TBC1D9: variants seen among roughly 807,000 people sequenced by gnomAD.
The protein encoded by TBC1D9 is TBC1 domain family member 9A.
Under a neutral mutation model 132.0 loss-of-function variants are expected in TBC1D9, and 63 were observed. That is an observed-to-expected ratio of 0.48 (90% CI 0.39 to 0.59). TBC1D9 has a LOEUF of 0.59. Ranked by LOEUF, TBC1D9 falls within the 20% of genes least tolerant of loss-of-function variation. The pLI is 0.00. For missense variants in TBC1D9, 1,261 were observed against 1,592.7 expected, an observed-to-expected ratio of 0.79 and a Z score of 3.54; for synonymous variants, 610 against 609.9, an observed-to-expected ratio of 1.00 and a Z score of 0.00.
At chr4:140,643,726 G>C in intron 13 of TBC1D9, 1 of 1,218,046 alleles carries the variant, frequency 8.2e-7, no homozygotes, top group Non-Finnish European at 1.1e-6. Flanking sequence ...GGTTCTGTCC[G>C]GCCCGGGGAA....
At chr4:140,657,332 G>A (rs1373123250) in intron 12 of TBC1D9, 106 bp from the exon 13 acceptor site, 1 of 1,432,362 alleles carries the variant, frequency 7.0e-7, no homozygotes, top group African/African-American at 1.4e-5. Flanking sequence ...CAAAGGACTA[G>A]AGTTTCTTTA....
Position 140,624,154 on chromosome 4 carries a change from T to C in TBC1D9, c.3040A>G (p.Lys1014Glu). 1 of 1,611,542 alleles carries C rather than the reference T, an allele frequency of 6.2e-7. No individual in the cohort carries two copies. The highest frequency in any genetic ancestry group is 8.5e-7 in the Non-Finnish European group (1 of 1,178,562). ...GGTAAATCCTTTGCATTCTTTGACTTAGATTTATTTTCTGGAGTCCACAGT... is the reference window on the plus strand; with the variant it reads ...GGTAAATCCTTTGCATTCTTTGACTCAGATTTATTTTCTGGAGTCCACAGT... ...LRLWTPENKS[K>E]SKNAKDLPKL... is the part of the protein sequence containing the mutation. The change falls in exon 20 of 21, where the codon AAG becomes GAG. Residue 1014 changes from lysine (K) to glutamate (E), a missense_variant. Transcript: ENST00000442267.
intron 13 of TBC1D9, chr4:140,643,227 T>C: frequency 7.4e-7 from 1 of 1,344,194 alleles, no homozygotes; most frequent in Non-Finnish European, 1.0e-6. Context: ...ACCTCCCACC[T>C]TCTTGCTCCT....
chr4:140,644,752 C>A, intron 13 of TBC1D9: 1 of 402,702 alleles, frequency 2.5e-6, no homozygotes, highest in Non-Finnish European at 4.9e-6. Flanking sequence ...GTGCAGGGGG[C>A]TGCAGCCTGG....
intron 2 of TBC1D9, among the ~76,000 whole-genome samples, chr4:140,690,099 C>T (rs1002895472): frequency 1.4e-4 from 22 of 152,124 alleles, no homozygotes; most frequent in African/African-American, 5.3e-4. Flanking sequence ...ACCACACACA[C>T]ACTCCCATAG....
At chr4:140,687,350 A>G (rs1185625185) in intron 2 of TBC1D9, among the ~76,000 whole-genome samples, 6,867 of 37,444 alleles carry the variant, frequency 0.18, 1,022 homozygotes, top group African/African-American at 0.49. Context: ...TGTCATATAT[A>G]TATATATATA....
At chr4:140,730,807 G>A (rs111487943) in intron 1 of TBC1D9, among the ~76,000 whole-genome samples, 2 of 152,272 alleles carry the variant, frequency 1.3e-5, no homozygotes, top group Non-Finnish European at 2.9e-5. Context: ...GATGCACAAC[G>A]GTATGGAGCT....
chr4:140,639,136 C>A lies in TBC1D9; in HGVS notation c.2455G>T (p.Glu819Ter). 1 of 1,586,474 alleles carries A rather than the reference C, an allele frequency of 6.3e-7. No individual in the cohort carries two copies. Among genetic ancestry groups the A allele is most frequent in the East Asian group, 2.3e-5 (1 of 44,164 alleles). The change falls in exon 15 of 21, where the codon GAA becomes TAA. Residue 819 changes from glutamate (E) to a stop codon, truncating the protein, a stop_gained. Coordinates refer to ENST00000442267, the MANE Select transcript of TBC1D9 (RefSeq NM_015130.3). LOFTEE classifies it high-confidence loss of function. ...KRNVVRTIVT[E>*]TSFTIDELEE... ...AGCTCATCAATGGTAAAGGAAGTTT[C>A]TGTCACAATGGTTCGTACCTATAAA... is the stretch of plus-strand genomic sequence containing the variant.
chr4:140,627,031 G>A (rs1240858506), intron 18 of TBC1D9, among the ~76,000 whole-genome samples: 2 of 152,222 alleles, frequency 1.3e-5, no homozygotes, highest in African/African-American at 4.8e-5. Context: ...ATAGGTGGTG[G>A]GCTGGATTTG....
At chr4:140,747,021 T>A (rs55683639) in intron 1 of TBC1D9, among the ~76,000 whole-genome samples, 32,687 of 151,084 alleles carry the variant, frequency 0.22, 4,369 homozygotes, top group Non-Finnish European at 0.31. Flanking sequence ...AAATAAAAAA[T>A]AAATAAATAA....
At chr4:140,695,326 A>G (rs564133696) in intron 2 of TBC1D9, among the ~76,000 whole-genome samples, 4 of 152,322 alleles carry the variant, frequency 2.6e-5, no homozygotes, top group African/African-American at 9.6e-5. Flanking sequence ...TAGCTGCTCT[A>G]TCTTTCATTT....
At chr4:140,674,100 G>A (rs1364262931) in intron 6 of TBC1D9, among the ~76,000 whole-genome samples, 1 of 152,196 alleles carries the variant, frequency 6.6e-6, no homozygotes, top group Non-Finnish European at 1.5e-5. Context: ...TACTACATTT[G>A]AGTAGCACAT....
At chr4:140,686,152 C>A (rs1170851899) in intron 3 of TBC1D9, among the ~76,000 whole-genome samples, 192 bp downstream of exon 3, 1 of 152,110 alleles carries the variant, frequency 6.6e-6, no homozygotes, top group Non-Finnish European at 1.5e-5. Context: ...TAGCCCTATT[C>A]TTAGAAAATA....
intron 1 of TBC1D9, among the ~76,000 whole-genome samples, chr4:140,721,164 T>C (rs181578219): frequency 1.3e-5 from 2 of 152,312 alleles, no homozygotes; most frequent in Non-Finnish European, 2.9e-5. Context: ...ATTTGCACTA[T>C]AAATCTTGTT....
chr4:140,668,190 A>G (rs756953833), intron 9 of TBC1D9, among the ~76,000 whole-genome samples: 3 of 152,228 alleles, frequency 2.0e-5, no homozygotes, highest in Non-Finnish European at 4.4e-5. Context: ...GGGAGGAAGC[A>G]GTGTGAGCTT....
chr4:140,659,534 A>G, intron 11 of TBC1D9, 54 bp downstream of exon 11: 1 of 1,326,206 alleles, frequency 7.5e-7, no homozygotes, highest in African/African-American at 1.5e-5. Context: ...CACCTCTCTA[A>G]AAGCATCTTC....
At chr4:140,749,245 A>G (rs1738885695) in intron 1 of TBC1D9, among the ~76,000 whole-genome samples, 1 of 151,906 alleles carries the variant, frequency 6.6e-6, no homozygotes, top group Admixed American at 6.6e-5. Context: ...CTGGTTAATA[A>G]TATAATTGGA....
At chr4:140,738,950 G>A (rs1738717619) in intron 1 of TBC1D9, among the ~76,000 whole-genome samples, 1 of 152,318 alleles carries the variant, frequency 6.6e-6, no homozygotes, top group East Asian at 1.9e-4. Context: ...TGGGAGAAGG[G>A]AGAAGGTACA....
Position 140,657,635 on chromosome 4 carries a change from T to C in TBC1D9, c.2099A>G (p.Tyr700Cys), listed in dbSNP as rs777983280. Reference sequence around the variant, plus strand: ...CTGGAATATCACTTTAATTCCTTCATAGAAGAAACAGTCAACAACCACAAC... The same window carrying C: ...CTGGAATATCACTTTAATTCCTTCACAGAAGAAACAGTCAACAACCACAAC... ...SAVVVVDCFF[Y>C]EGIKVIFQLA... The change falls in exon 12 of 21, where the codon TAT becomes TGT. Residue 700 changes from tyrosine to cysteine, a missense_variant. Coordinates refer to ENST00000442267, the MANE Select transcript of TBC1D9 (RefSeq NM_015130.3). 6 of 1,613,866 alleles carry C rather than the reference T, an allele frequency of 3.7e-6. No homozygotes were observed. The highest frequency in any genetic ancestry group is 1.3e-5 in the African/African-American group (1 of 74,916).
Sources: allele counts gnomAD v4.1 joint callset (sites outside exome capture counted in the v4.1 genomes callset), GRCh38; gene constraint gnomAD v4.1.1; transcripts MANE v1.5; gene names NCBI Gene and HGNC (gene_info 2026-07-23, HGNC 2026-07-21).